Variants in PAX7 observed in about 807,000 individuals in gnomAD.
PAX7 encodes paired box 7.
Under a neutral mutation model 50.7 loss-of-function variants are expected in PAX7, and 18 were observed. The observed-to-expected ratio is 0.36, with a 90% CI of 0.25 to 0.53. The LOEUF (loss-of-function observed/expected upper bound fraction) is 0.53, where lower values mean the gene tolerates loss of function less well. Among genes scored for constraint, PAX7 ranks in the 20% least tolerant of loss-of-function variants. The pLI, the probability that PAX7 is intolerant of heterozygous loss-of-function variation, is 0.93. For synonymous variants in PAX7, 310 were observed against 290.4 expected (o/e 1.07, Z -0.69); for missense variants, 644 against 702.9 (o/e 0.92, Z 0.95).
At chr1:18,675,928 C>T (rs1021626792) in intron 4 of PAX7, among the ~76,000 whole-genome samples, 3 of 152,180 alleles carry the variant, frequency 2.0e-5, no homozygotes, top group African/African-American at 7.2e-5. Context: ...CACTTAGCCT[C>T]CCATCTGCCC....
intron 1 of PAX7, among the ~76,000 whole-genome samples, chr1:18,633,071 G>C (rs763369496): frequency 6.6e-6 from 1 of 152,146 alleles, no homozygotes; most frequent in Admixed American, 6.5e-5. Flanking sequence ...CACGGAGACC[G>C]AGTGACTCCG....
intron 7 of PAX7, among the ~76,000 whole-genome samples, chr1:18,716,485 C>T (rs886913274): frequency 8.3e-6 from 1 of 120,992 alleles, no homozygotes; most frequent in African/African-American, 3.0e-5. Flanking sequence ...GGGAAATCCA[C>T]GTCTGTTTGT....
intron 4 of PAX7, among the ~76,000 whole-genome samples, chr1:18,649,436 C>T (rs1230254026): frequency 2.0e-5 from 3 of 152,110 alleles, no homozygotes; most frequent in African/African-American, 4.8e-5. Flanking sequence ...TTCTAACAGG[C>T]TCTGCAGGAC....
intron 4 of PAX7, among the ~76,000 whole-genome samples, chr1:18,653,329 A>C (rs1048773169): frequency 6.6e-6 from 1 of 151,968 alleles, no homozygotes; most frequent in African/African-American, 2.4e-5. Context: ...CTGGTTAAGG[A>C]CTTAAGAATT....
At chr1:18,705,978 G>A (rs2089278456) in intron 7 of PAX7, among the ~76,000 whole-genome samples, 1 of 152,204 alleles carries the variant, frequency 6.6e-6, no homozygotes, top group Non-Finnish European at 1.5e-5. Context: ...CGGGTGCAGG[G>A]GCAGCAGGGC....
At chr1:18,658,267 G>A (rs773093483) in intron 4 of PAX7, among the ~76,000 whole-genome samples, 1 of 129,662 alleles carries the variant, frequency 7.7e-6, no homozygotes, top group East Asian at 2.5e-4. Flanking sequence ...CCCCCACAAA[G>A]GTCCTGGAGC....
chr1:18,698,067 T>A (rs1203099658), intron 5 of PAX7, among the ~76,000 whole-genome samples: 1 of 152,098 alleles, frequency 6.6e-6, no homozygotes, highest in Non-Finnish European at 1.5e-5. Context: ...ATTCTTTTTT[T>A]GAGGAAAAGA....
chr1:18,642,061 G>A (rs1476131521), intron 4 of PAX7, among the ~76,000 whole-genome samples: 2 of 149,502 alleles, frequency 1.3e-5, no homozygotes, highest in East Asian at 3.9e-4. Context: ...CCTTAAAGCA[G>A]TAAGGTGATT....
intron 4 of PAX7, among the ~76,000 whole-genome samples, chr1:18,647,914 A>G (rs2088370923): frequency 1.3e-5 from 2 of 152,334 alleles, no homozygotes; most frequent in African/African-American, 4.8e-5. Context: ...AGACAGAAGA[A>G]ATAGACCTGC....
At chr1:18,697,736 A>G (rs1194181643) in intron 5 of PAX7, among the ~76,000 whole-genome samples, 1 of 152,196 alleles carries the variant, frequency 6.6e-6, no homozygotes, top group Admixed American at 6.5e-5. Flanking sequence ...CCTCTCCTCC[A>G]GGAAGTCCTC....
chr1:18,676,597 C>T (rs2088825304), intron 4 of PAX7, among the ~76,000 whole-genome samples: 2 of 152,162 alleles, frequency 1.3e-5, no homozygotes, highest in South Asian at 4.1e-4. Flanking sequence ...ATTGGGGGAT[C>T]CTGGGAGGCA....
intron 4 of PAX7, among the ~76,000 whole-genome samples, chr1:18,684,795 G>A (rs1374539169): frequency 6.6e-6 from 1 of 152,192 alleles, no homozygotes; most frequent in Non-Finnish European, 1.5e-5. Context: ...GAAAAGCTGG[G>A]TTGGGAGGCT....
chr1:18,713,095 G>T (rs969275819), intron 7 of PAX7, among the ~76,000 whole-genome samples: 2 of 152,062 alleles, frequency 1.3e-5, no homozygotes, highest in African/African-American at 4.8e-5. Flanking sequence ...AAAAAAAAGG[G>T]GAGGGGCACT....
intron 4 of PAX7, among the ~76,000 whole-genome samples, chr1:18,655,770 G>GGGGTGTGTGTGTGT (rs560470014): frequency 7.0e-6 from 1 of 143,562 alleles, no homozygotes; most frequent in Non-Finnish European, 1.5e-5. Context: ...ACTTGGAGAG[G>GGGGTGTGTGTGTGT]GTGTGTGTGT....
intron 5 of PAX7, among the ~76,000 whole-genome samples, chr1:18,699,545 G>C (rs936251931): frequency 2.6e-5 from 4 of 151,032 alleles, no homozygotes; most frequent in Non-Finnish European, 4.4e-5. Context: ...AGATAAGTGG[G>C]CTCTAGAAAG....
Position 18,745,056 on chromosome 1 carries a change from C to T in PAX7, c.*127C>T, listed in dbSNP as rs1004886945. ...CCAGGAAAGGAGCCCACCTGCTTCT[C>T]ATCACCAGCCCCCTGGAGGTAGACA... On this transcript the variant is annotated 3_prime_UTR_variant, in exon 9 of 9. Transcript: ENST00000420770. 2.9e-5 allele frequency: 18 copies of T among 625,938 alleles called. No homozygotes were observed. Among genetic ancestry groups the T allele is most frequent in the Non-Finnish European group, 5.2e-5 (18 of 347,752 alleles). 38.8% of individuals were successfully genotyped at this position (625,938 alleles called of 1,614,324 possible).
At chr1:18,715,331 A>T (rs2089405844) in intron 7 of PAX7, among the ~76,000 whole-genome samples, 1 of 152,224 alleles carries the variant, frequency 6.6e-6, no homozygotes, top group East Asian at 1.9e-4. Context: ...GTATATATTG[A>T]TATAAGTAAT....
In PAX7 at chr1:18,653,363, G is replaced by A. The variant is rs139684740; in HGVS notation, c.586+16992G>A. ...TTGTCACTTGTGTGTGTATATTGTTGTTGTTGTTGCAACGGTGCTGTGTAC... is the reference window on the plus strand; with the variant it reads ...TTGTCACTTGTGTGTGTATATTGTTATTGTTGTTGCAACGGTGCTGTGTAC... On this transcript the variant is annotated intron_variant, in intron 4 of 8. Transcript: ENST00000420770. 4.7e-4 allele frequency among the ~76,000 whole-genome samples: 71 copies of A among 152,218 alleles called. 1 individual carries two copies. The East Asian group carries it at 0.014, about 29-fold the overall frequency.
At chr1:18,698,178 C>T (rs2089173137) in intron 5 of PAX7, among the ~76,000 whole-genome samples, 1 of 151,600 alleles carries the variant, frequency 6.6e-6, no homozygotes, top group Non-Finnish European at 1.5e-5. Context: ...CCACCTTCAC[C>T]TATTATCTAT....
Sources: gnomAD v4.1 joint callset for allele counts (sites outside exome capture counted in the v4.1 genomes callset) on GRCh38, gnomAD v4.1.1 for gene constraint, MANE v1.5 for transcripts, NCBI Gene and HGNC (gene_info 2026-07-23, HGNC 2026-07-21) for gene names.